The following EFNA5 variants were observed in gnomAD, a reference collection of about 807,000 sequenced individuals.
EFNA5 encodes ephrin A5, also known as ephrin-A5.
Under a neutral mutation model 22.9 loss-of-function variants are expected in EFNA5, and 5 were observed. The observed-to-expected ratio is 0.22, with a 90% CI of 0.11 to 0.46. The LOEUF is 0.46. Ranked by LOEUF, EFNA5 falls within the 20% of genes least tolerant of loss-of-function variation. EFNA5 has a pLI of 0.99. For synonymous variants in EFNA5, 113 were observed against 112.2 expected, an observed-to-expected ratio of 1.01 and a Z score of -0.04; for missense variants, 237 against 293.3, an observed-to-expected ratio of 0.81 and a Z score of 1.40.
chr5:107,418,354 T>A (rs1748562055), intron 2 of EFNA5, among the ~76,000 whole-genome samples: 1 of 152,226 alleles, frequency 6.6e-6, no homozygotes, highest in African/African-American at 2.4e-5. Context: ...AATTAGTGCA[T>A]TACATGTTTA....
At chr5:107,467,755 C>T (rs1287557909) in intron 1 of EFNA5, among the ~76,000 whole-genome samples, 2 of 152,078 alleles carry the variant, frequency 1.3e-5, no homozygotes, top group Non-Finnish European at 2.9e-5. Context: ...TGGCAGCGGA[C>T]CCAGAGGCAG....
At chr5:107,632,702 T>C (rs1367025800) in intron 1 of EFNA5, among the ~76,000 whole-genome samples, 1 of 152,200 alleles carries the variant, frequency 6.6e-6, no homozygotes, top group East Asian at 1.9e-4. Flanking sequence ...TTCTCCCATC[T>C]CCTTGCCTCT....
chr5:107,453,284 C>G (rs1228114722), intron 1 of EFNA5, among the ~76,000 whole-genome samples: 1 of 151,844 alleles, frequency 6.6e-6, no homozygotes, highest in East Asian at 1.9e-4. Flanking sequence ...TTAAAAACTT[C>G]CTATAGTTGG....
intron 1 of EFNA5, among the ~76,000 whole-genome samples, chr5:107,452,803 T>C (rs1394353127): frequency 1.3e-5 from 2 of 152,226 alleles, no homozygotes. Flanking sequence ...AGAGTCATTT[T>C]CTACTTGAGC....
intron 1 of EFNA5, among the ~76,000 whole-genome samples, chr5:107,446,668 C>T (rs1015036156): frequency 6.6e-6 from 1 of 152,064 alleles, no homozygotes; most frequent in African/African-American, 2.4e-5. Context: ...GCAGGAGAAT[C>T]GCTTGAACCC....
chr5:107,593,962 T>C (rs1749425531), intron 1 of EFNA5, among the ~76,000 whole-genome samples: 1 of 152,248 alleles, frequency 6.6e-6, no homozygotes, highest in Admixed American at 6.5e-5. Flanking sequence ...TACTGGAGAA[T>C]ACTTGCTTCT....
chr5:107,463,084 G>T (rs1749876146), intron 1 of EFNA5, among the ~76,000 whole-genome samples: 1 of 152,090 alleles, frequency 6.6e-6, no homozygotes, highest in Non-Finnish European at 1.5e-5. Context: ...TAGATAGAGA[G>T]GCAAGGGCAG....
intron 1 of EFNA5, among the ~76,000 whole-genome samples, chr5:107,430,935 CCA>C: frequency 6.6e-6 from 1 of 152,026 alleles, no homozygotes; most frequent in East Asian, 1.9e-4. Flanking sequence ...GCCACCACAC[CCA>C]GTTGATTTTT....
chr5:107,535,992 C>T (rs1040671762), intron 1 of EFNA5, among the ~76,000 whole-genome samples: 1 of 152,170 alleles, frequency 6.6e-6, no homozygotes, highest in Admixed American at 6.5e-5. Context: ...TGCTGATTCC[C>T]TGGAATCCTC....
At chr5:107,448,874 A>AAAT in intron 1 of EFNA5, among the ~76,000 whole-genome samples, 1 of 147,156 alleles carries the variant, frequency 6.8e-6, no homozygotes, top group South Asian at 2.2e-4. Flanking sequence ...AATAAATAAA[A>AAAT]TAAAATAAAA....
chr5:107,453,233 T>A (rs1454581298), intron 1 of EFNA5, among the ~76,000 whole-genome samples: 1 of 152,164 alleles, frequency 6.6e-6, no homozygotes, highest in East Asian at 1.9e-4. Context: ...TTTAGACATA[T>A]TAGATATTAA....
intron 2 of EFNA5, among the ~76,000 whole-genome samples, chr5:107,407,341 C>T (rs1331533192): frequency 2.0e-5 from 3 of 152,268 alleles, no homozygotes; most frequent in East Asian, 1.9e-4. Flanking sequence ...TGACCACTTT[C>T]GCATCCTCAG....
intron 1 of EFNA5, among the ~76,000 whole-genome samples, chr5:107,446,892 A>C (rs1157122884): frequency 3.9e-5 from 6 of 152,186 alleles, no homozygotes. Flanking sequence ...TACACAAAGG[A>C]AGGGTGGGCA....
At chr5:107,525,507 A>T (rs1451458755) in intron 1 of EFNA5, among the ~76,000 whole-genome samples, 3 of 152,248 alleles carry the variant, frequency 2.0e-5, no homozygotes, top group Admixed American at 6.5e-5. Flanking sequence ...ATTGGTGACC[A>T]GAAGTTTTAC....
chr5:107,627,227 C>T (rs1347821102), intron 1 of EFNA5, among the ~76,000 whole-genome samples: 3 of 152,160 alleles, frequency 2.0e-5, no homozygotes, highest in Non-Finnish European at 2.9e-5. Context: ...TCTCAGCTCT[C>T]TTCATCCCAA....
chr5:107,620,936 A>G (rs936798601), intron 1 of EFNA5, among the ~76,000 whole-genome samples: 1 of 151,842 alleles, frequency 6.6e-6, no homozygotes, highest in African/African-American at 2.4e-5. Flanking sequence ...AGAAAAATCC[A>G]TATTTGGATC....
intron 1 of EFNA5, among the ~76,000 whole-genome samples, chr5:107,568,063 G>A (rs1340640270): frequency 6.6e-6 from 1 of 151,794 alleles, no homozygotes; most frequent in Non-Finnish European, 1.5e-5. Flanking sequence ...TGCCCAGCTC[G>A]TTTTAATTTT....
Position 107,591,926 on chromosome 5 carries a change from A to T in EFNA5, c.125+78563T>A, listed in dbSNP as rs865817269. 1.1e-3 allele frequency among the ~76,000 whole-genome samples: 9 copies of T among 7,932 alleles called. 2 individuals are homozygous for T. The highest frequency in any genetic ancestry group is 5.2e-3 in the South Asian group (1 of 192). The allele number at this position is 7,932 out of a possible 152,430, so 5.2% of individuals were successfully genotyped here. A position where few individuals can be genotyped will look rare whatever the true frequency, so the allele number is the denominator to read the frequency against. On this transcript the variant is annotated intron_variant, in intron 1 of 4. Transcript: ENST00000333274. ...TATATAATATAAAAAATATATATAT[A>T]ATATATAATATATATATTATATATA...
intron 1 of EFNA5, among the ~76,000 whole-genome samples, chr5:107,598,767 A>G (rs78280870): frequency 0.024 from 3,656 of 152,258 alleles, 128 homozygotes; most frequent in African/African-American, 0.083. Context: ...TCTCAATACA[A>G]CATTTTTTCA....
Sources: allele counts gnomAD v4.1 joint callset (sites outside exome capture counted in the v4.1 genomes callset), GRCh38; gene constraint gnomAD v4.1.1; transcripts MANE v1.5; gene names NCBI Gene and HGNC (gene_info 2026-07-23, HGNC 2026-07-21).